Variants in ZKSCAN4 observed in about 807,000 individuals in gnomAD.
ZKSCAN4 encodes the protein zinc finger protein with KRAB and SCAN domains 4.
Under a neutral mutation model 30.8 loss-of-function variants are expected in ZKSCAN4, and 23 were observed. The ratio of observed to expected loss-of-function variants is 0.75; its 90% CI spans 0.54 to 1.06. ZKSCAN4 has a LOEUF of 1.06. Ranked by LOEUF, ZKSCAN4 falls within the 50% of genes least tolerant of loss-of-function variation. The pLI, the probability that ZKSCAN4 is intolerant of heterozygous loss-of-function variation, is 0.00. For synonymous variants in ZKSCAN4, 208 were observed against 252.5 expected (o/e 0.82, Z 1.67); for missense variants, 556 against 665.4 (o/e 0.84, Z 1.81).
In ZKSCAN4 at chr6:28,248,065, A is replaced by T; in HGVS notation, c.654+2T>A. 1 of 1,610,708 alleles carries T rather than the reference A, an allele frequency of 6.2e-7. No homozygotes were observed. The highest frequency in any genetic ancestry group is 8.5e-7 in the Non-Finnish European group (1 of 1,178,090). On this transcript the variant is annotated splice_donor_variant, in intron 3 of 4. Coordinates refer to ENST00000377294, the MANE Select transcript of ZKSCAN4 (RefSeq NM_019110.5). LOFTEE classifies it high-confidence loss of function. ...TGGGGAGGGAGAGGAGCTCCAGCTC[A>T]CCTGGGACCCTGGAGTGAGCCTGGA...
rs200097809 is a variant in ZKSCAN4 at position 28,248,037 on chromosome 6, C to T, written c.654+30G>A. On this transcript the variant is annotated intron_variant, in intron 3 of 4. Coordinates refer to ENST00000377294, the MANE Select transcript of ZKSCAN4 (RefSeq NM_019110.5). ...CCCAACAGTAGTGAAAGGTATGGGGCGCTGGGGAGGGAGAGGAGCTCCAGC... is the reference window on the plus strand; with the variant it reads ...CCCAACAGTAGTGAAAGGTATGGGGTGCTGGGGAGGGAGAGGAGCTCCAGC... The T allele has an allele frequency of 2.5e-5, 39 of 1,559,118 alleles. No individual in the cohort carries two copies. The East Asian group carries it at 4.3e-4, about 17-fold the overall frequency.
intron 4 of ZKSCAN4, among the ~76,000 whole-genome samples, chr6:28,246,298 T>C (rs1044106732): frequency 9.9e-5 from 15 of 152,026 alleles, no homozygotes; most frequent in African/African-American, 3.6e-4. Flanking sequence ...GGATTAGATT[T>C]TGAAAGGGGT....
upstream of ZKSCAN4, among the ~76,000 whole-genome samples, chr6:28,252,626 C>A (rs1366201859): frequency 6.6e-6 from 1 of 152,132 alleles, no homozygotes; most frequent in Non-Finnish European, 1.5e-5. Context: ...ATCAAAGCAG[C>A]AGAACACATC....
chr6:28,251,430 C>T lies in ZKSCAN4; in HGVS notation c.423+128G>A. The T allele has an allele frequency of 6.7e-7, 1 of 1,498,574 alleles. No individual in the cohort carries two copies. The highest frequency in any genetic ancestry group is 1.4e-5 in the African/African-American group (1 of 72,150). The allele number at this position is 1,498,574 out of a possible 1,614,324, so 92.8% of individuals were successfully genotyped here. ...GGAGTCCAGGGACTTCACCTTACTG[C>T]CAAGGAGGTTCACAGTACAAAAAGA... On this transcript the variant is annotated intron_variant, in intron 1 of 4. Transcript: ENST00000377294. The surrounding 1 kb of genome is among the most constrained non-coding windows in gnomAD (Gnocchi z 4.5).
At chr6:28,254,391 G>A (rs1761121740), upstream of ZKSCAN4, among the ~76,000 whole-genome samples, 1 of 152,240 alleles carries the variant, frequency 6.6e-6, no homozygotes, top group Non-Finnish European at 1.5e-5. Flanking sequence ...GGAAAGGGGT[G>A]GCAACTTCCC....
At position 28,250,580 on chromosome 6, in the gene ZKSCAN4, G is replaced by T. The variant is rs1760954133; in HGVS notation, c.424-746C>A. On this transcript the variant is annotated intron_variant, in intron 1 of 4. Transcript: ENST00000377294. ...TATATTTTCTAATCTGAAAAATGAG[G>T]ATAATAATTTCTACTTTATGAGGTT... 2.6e-5 allele frequency among the ~76,000 whole-genome samples: 4 copies of T among 152,122 alleles called. No individual in the cohort carries two copies. In the South Asian group the frequency reaches 8.3e-4, roughly 32 times the overall value.
chr6:28,258,840 G>T, the ZKSCAN4 span, among the ~76,000 whole-genome samples: 1 of 151,520 alleles, frequency 6.6e-6, no homozygotes, highest in Non-Finnish European at 1.5e-5. Flanking sequence ...GATTCCAAAA[G>T]AAGTTTTGGT....
chr6:28,250,430 G>A (rs927255614), intron 1 of ZKSCAN4, among the ~76,000 whole-genome samples: 1 of 152,202 alleles, frequency 6.6e-6, no homozygotes, highest in African/African-American at 2.4e-5. Flanking sequence ...GAAATGCTAG[G>A]ATGGGAGCTC....
rs576351466 is a variant in ZKSCAN4, at chr6:28,244,343, G to C, written c.*773C>G. Among the ~76,000 whole-genome samples the C allele has an allele frequency of 6.6e-6, 1 of 152,278 alleles. No homozygotes were observed. Among genetic ancestry groups the C allele is most frequent in the Non-Finnish European group, 1.5e-5 (1 of 68,032 alleles). On this transcript the variant is annotated 3_prime_UTR_variant, in exon 5 of 5. Coordinates refer to ENST00000377294, the MANE Select transcript of ZKSCAN4 (RefSeq NM_019110.5). ...TGTGAAAGACTCCCCCTAAAGAGTA[G>C]CAAAATTAATGTAAACTAACATAAT...
In ZKSCAN4 at chr6:28,252,125, G is replaced by T. The variant is rs1761033175; in HGVS notation, c.-145C>A. ...AGGGGCCCAGGACACCCCCTGAGGC[G>T]CAGCTGCACAGATCTCTCTTATAGT... is the stretch of plus-strand genomic sequence containing the variant. On this transcript the variant is annotated 5_prime_UTR_variant, in exon 1 of 5. Transcript: ENST00000377294. 1 of 792,066 alleles carries T rather than the reference G, an allele frequency of 1.3e-6. No individual in the cohort carries two copies. Among genetic ancestry groups the T allele is most frequent in the Non-Finnish European group, 1.9e-6 (1 of 513,746 alleles). The allele number at this position is 792,066 out of a possible 1,614,324, so 49.1% of individuals were successfully genotyped here.
upstream of ZKSCAN4, among the ~76,000 whole-genome samples, chr6:28,255,666 TTAGAGA>T (rs1284020187): frequency 1.3e-5 from 2 of 152,132 alleles, no homozygotes; most frequent in African/African-American, 4.8e-5. Context: ...TAAAGCCAAA[TTAGAGA>T]TAGACAATGC....
Position 28,247,108 on chromosome 6 carries a change from G to A in ZKSCAN4, c.655-16C>T, listed in dbSNP as rs768255714. On this transcript the variant is annotated splice_polypyrimidine_tract_variant and intron_variant, in intron 3 of 4. Coordinates refer to ENST00000377294, the MANE Select transcript of ZKSCAN4 (RefSeq NM_019110.5). ...TCAGCAAACCCTAAAACAATAGGTA[G>A]TCCTAACTAGCTCCTCTTGCCCAAA... 15 of 1,575,324 alleles carry A rather than the reference G, an allele frequency of 9.5e-6. No individual in the cohort carries two copies. In the South Asian group the frequency reaches 1.8e-4, roughly 19 times the overall value.
chr6:28,242,170 T>C lies in ZKSCAN4; in HGVS notation c.*2946A>G, dbSNP rs929886178. On this transcript the variant is annotated 3_prime_UTR_variant, in exon 5 of 5. Coordinates refer to ENST00000377294, the MANE Select transcript of ZKSCAN4 (RefSeq NM_019110.5). ...TTCCTAAAAGCAATTTAAGAAAATATGAAAAGTGGCATTTTATTGTGCTTT... is the reference window on the plus strand; with the variant it reads ...TTCCTAAAAGCAATTTAAGAAAATACGAAAAGTGGCATTTTATTGTGCTTT... Among the ~76,000 whole-genome samples, 1 of 152,156 alleles carries C rather than the reference T, an allele frequency of 6.6e-6. No individual in the cohort carries two copies. The highest frequency in any genetic ancestry group is 1.5e-5 in the Non-Finnish European group (1 of 68,004).
At chr6:28,254,503 T>G, upstream of ZKSCAN4, among the ~76,000 whole-genome samples, 1 of 152,186 alleles carries the variant, frequency 6.6e-6, no homozygotes, top group East Asian at 1.9e-4. Context: ...CTCAATTTGG[T>G]CAGGTGTTGG....
chr6:28,248,107 T>C lies in ZKSCAN4; in HGVS notation c.614A>G (p.Glu205Gly), dbSNP rs543934997. 1.9e-6 allele frequency: 3 copies of C among 1,613,738 alleles called. No individual in the cohort carries two copies. The highest frequency in any genetic ancestry group is 2.5e-6 in the Non-Finnish European group (3 of 1,179,802). ...GAGCCTGGAAGCTACCATTGCATCT[T>C]CTCTGCAGCACCCTCCCTGGGCAAG... is the stretch of plus-strand genomic sequence containing the variant. Reference protein sequence around the residue: ...PGLAQGGCCREDAMVASRLTP... With the variant: ...PGLAQGGCCRGDAMVASRLTP... Residue 205 changes from glutamate (E) to glycine (G), a missense_variant, in exon 3 of 5, where the codon GAA becomes GGA. Physicochemically the swap from Glu to Gly is moderately conservative, Grantham distance 98 (BLOSUM62 -2). Coordinates refer to ENST00000377294, the MANE Select transcript of ZKSCAN4 (RefSeq NM_019110.5).
chr6:28,245,048 A>G lies in ZKSCAN4; in HGVS notation c.*68T>C, dbSNP rs766177328. ...GCCCTGGTCCACAATTTCTGTAACC[A>G]TTAAGGGCTCCAGGGTGGCTTCAGT... is the stretch of plus-strand genomic sequence containing the variant. On this transcript the variant is annotated 3_prime_UTR_variant, in exon 5 of 5. Transcript: ENST00000377294. The G allele has an allele frequency of 2.5e-6, 4 of 1,605,144 alleles. No homozygotes were observed. Among genetic ancestry groups the G allele is most frequent in the African/African-American group, 1.3e-5 (1 of 74,872 alleles).
At position 28,248,086 on chromosome 6, in the gene ZKSCAN4, C is replaced by T; in HGVS notation, c.635G>A (p.Arg212Lys). The part of the protein sequence containing the change: ...CCREDAMVAS[R>K]LTPGSQGLLK... ...GCTCACCTGGGACCCTGGAGTGAGC[C>T]TGGAAGCTACCATTGCATCTTCTCT... Residue 212 changes from arginine (R) to lysine (K), a missense_variant, in exon 3 of 5, where the codon AGG (arginine) becomes AAG (lysine). By Grantham distance (26) the Arg-to-Lys change is conservative. Around this residue, in one of 3 missense-constraint regions of ZKSCAN4, gnomAD observed 433 missense variants for 511.5 expected, o/e 0.85. Transcript: ENST00000377294. 18 of 1,613,230 alleles carry T rather than the reference C, an allele frequency of 1.1e-5. No individual in the cohort carries two copies. The highest frequency in any genetic ancestry group is 1.5e-5 in the Non-Finnish European group (18 of 1,179,588).
At position 28,242,480 on chromosome 6, in the gene ZKSCAN4, T is replaced by C. The variant is rs535322110; in HGVS notation, c.*2636A>G. Among the ~76,000 whole-genome samples the C allele has an allele frequency of 6.6e-6, 1 of 152,334 alleles. No individual in the cohort carries two copies. Among genetic ancestry groups the C allele is most frequent in the East Asian group, 1.9e-4 (1 of 5,184 alleles). ...AGTGCTTACTGAATAAAATTTAAAC[T>C]TTTTGCTCTGGCACTGAAGGCCCCT... is the stretch of plus-strand genomic sequence containing the variant. On this transcript the variant is annotated 3_prime_UTR_variant, in exon 5 of 5. Transcript: ENST00000377294.
At chr6:28,259,004 G>A in the ZKSCAN4 span, among the ~76,000 whole-genome samples, 2 of 152,140 alleles carry the variant, frequency 1.3e-5, no homozygotes, top group Non-Finnish European at 2.9e-5. Context: ...TAAGGAGGTG[G>A]AAATGAAAGG....
Sources: allele counts gnomAD v4.1 joint callset (sites outside exome capture counted in the v4.1 genomes callset), GRCh38; gene constraint gnomAD v4.1.1; regional missense constraint gnomAD v4.1.1; non-coding constraint Gnocchi (gnomAD v3.1); transcripts MANE v1.5; gene names NCBI Gene and HGNC (gene_info 2026-07-23, HGNC 2026-07-21).